The following CTNS variants were observed in gnomAD, a reference collection of about 807,000 sequenced individuals.
CTNS encodes the protein cystinosin.
In CTNS, 27 loss-of-function variants were observed where a neutral mutation model predicts 43.7. The observed-to-expected ratio is 0.62, with a 90% CI of 0.46 to 0.85. The LOEUF is 0.85. Ranked by LOEUF, CTNS falls within the 40% of genes least tolerant of loss-of-function variation. The probability of loss-of-function intolerance (pLI) is 0.00; values close to 1 mark genes in which losing one functional copy is unlikely to be tolerated. For synonymous variants in CTNS, 187 were observed against 190.6 expected (o/e 0.98, Z 0.16); for missense variants, 457 against 475.4 (o/e 0.96, Z 0.36).
chr17:3,643,173 G>A lies in CTNS; in HGVS notation c.61+2906G>A, dbSNP rs573691707. Among the ~76,000 whole-genome samples, 4 of 152,108 alleles carry A rather than the reference G, an allele frequency of 2.6e-5. No individual in the cohort carries two copies. In the East Asian group the frequency reaches 7.8e-4, roughly 30 times the overall value. On this transcript the variant is annotated intron_variant, in intron 3 of 11. Coordinates refer to ENST00000046640, the MANE Select transcript of CTNS (RefSeq NM_004937.3). ...ACCAAAAATACAAAAAATTAGTCGGGCGTGGTGGCGGGCGCCTATAGTCCC... is the reference window on the plus strand; with the variant it reads ...ACCAAAAATACAAAAAATTAGTCGGACGTGGTGGCGGGCGCCTATAGTCCC...
chr17:3,650,826 A>G (rs536973144), intron 5 of CTNS, among the ~76,000 whole-genome samples: 60 of 152,330 alleles, frequency 3.9e-4, no homozygotes, highest in African/African-American at 1.4e-3. Flanking sequence ...GTTTAGAGAC[A>G]GAGCTTCACT....
In CTNS at chr17:3,662,389, T is replaced by C. The variant is rs543577418; in HGVS notation, c.*2020T>C. 4.6e-5 allele frequency among the ~76,000 whole-genome samples: 7 copies of C among 152,224 alleles called. No individual in the cohort carries two copies. The highest frequency in any genetic ancestry group is 1.0e-4 in the Non-Finnish European group (7 of 68,010). On this transcript the variant is annotated 3_prime_UTR_variant, in exon 12 of 12. Coordinates refer to ENST00000046640, the MANE Select transcript of CTNS (RefSeq NM_004937.3). ...AGGTAGGTCCAGGAGTGCTAACACCTTCCCAGAGGTGGTACGCAGGTAGTC... is the reference window on the plus strand; with the variant it reads ...AGGTAGGTCCAGGAGTGCTAACACCCTCCCAGAGGTGGTACGCAGGTAGTC...
In CTNS at chr17:3,658,015, A is replaced by AGC. The variant is rs1555563982; in HGVS notation, c.696_697dup (p.Val233AlafsTer21). On this transcript the variant is annotated frameshift_variant, in exon 10 of 12. Transcript: ENST00000046640. LOFTEE classifies it high-confidence loss of function. The stretch of plus-strand genomic sequence containing the variant: ...TCCTCTCGCCCCCAGCGCGGTGGCC[A>AGC]GCGCGTGTCCTGGCCTGCCATCGGC... 7 of 1,610,058 alleles carry AGC rather than the reference A, an allele frequency of 4.3e-6. No individual in the cohort carries two copies. The highest frequency in any genetic ancestry group is 5.9e-6 in the Non-Finnish European group (7 of 1,179,904).
In CTNS at chr17:3,660,385, T is replaced by C. The variant is rs201198798; in HGVS notation, c.*16T>C. 1.4e-5 allele frequency: 22 copies of C among 1,614,038 alleles called. No individual in the cohort carries two copies. The highest frequency in any genetic ancestry group is 6.7e-5 in the Admixed American group (4 of 60,012). ...GCTGAACTAGCACCCAGGGACCCAG[T>C]GTACCCAGCCTCTGGCCTCGTGCCC... On this transcript the variant is annotated 3_prime_UTR_variant, in exon 12 of 12. Coordinates refer to ENST00000046640, the MANE Select transcript of CTNS (RefSeq NM_004937.3).
chr17:3,655,397 G>T, intron 7 of CTNS, 45 bp downstream of exon 7: 17 of 1,612,244 alleles, frequency 1.1e-5, no homozygotes, highest in Non-Finnish European at 1.4e-5. Flanking sequence ...GGGCCCCTAG[G>T]AGCAGGGCGT....
rs745365232 is a variant in CTNS at position 3,656,542 on chromosome 17, TAC to T, written c.519_520del (p.Tyr173Ter). On this transcript the variant is annotated frameshift_variant, in exon 8 of 12. Transcript: ENST00000046640. LOFTEE classifies it high-confidence loss of function. ...TCTGAACCTGACGGGCTTCGTGGCC[TAC>T]AGTGTATTCAACATCGGCCTCCTCT... ...VALNLTGFVA[Y>X]SVFNIGLLWV... 3.7e-6 allele frequency: 6 copies of T among 1,608,728 alleles called. No individual in the cohort carries two copies. Among genetic ancestry groups the T allele is most frequent in the Non-Finnish European group, 4.2e-6 (5 of 1,178,928 alleles).
At chr17:3,652,516 C>T (rs1241812135) in intron 5 of CTNS, among the ~76,000 whole-genome samples, 3 of 151,950 alleles carry the variant, frequency 2.0e-5, no homozygotes, top group Non-Finnish European at 2.9e-5. Context: ...CACTTGAACC[C>T]GGGAGGCAGA....
intron 5 of CTNS, among the ~76,000 whole-genome samples, chr17:3,652,384 G>GAGCTCAAGACC (rs2076008600): frequency 6.6e-6 from 1 of 152,134 alleles, no homozygotes; most frequent in Non-Finnish European, 1.5e-5. Context: ...CTGAGGTTGG[G>GAGCTCAAGACC]AGCTCAAGAC....
At position 3,660,836 on chromosome 17, in the gene CTNS, A is replaced by T; in HGVS notation, c.*467A>T. 6.4e-7 allele frequency: 1 copy of T among 1,550,616 alleles called. No individual in the cohort carries two copies. The highest frequency in any genetic ancestry group is 1.4e-5 in the African/African-American group (1 of 73,622). On this transcript the variant is annotated 3_prime_UTR_variant, in exon 12 of 12. Coordinates refer to ENST00000046640, the MANE Select transcript of CTNS (RefSeq NM_004937.3). ...CCAGTGAACTCAGAGGTGCTGGTGG[A>T]CGGGCTAGGACTTTGGGGTTAGGCC... is the stretch of plus-strand genomic sequence containing the variant.
At chr17:3,640,470 C>T (rs2075658197) in intron 3 of CTNS, among the ~76,000 whole-genome samples, 1 of 152,258 alleles carries the variant, frequency 6.6e-6, no homozygotes, top group Non-Finnish European at 1.5e-5. Flanking sequence ...GATAGTTCCA[C>T]ATATAATTGG....
intron 5 of CTNS, among the ~76,000 whole-genome samples, chr17:3,649,888 C>G (rs2150908778): frequency 6.6e-6 from 1 of 152,288 alleles, no homozygotes. Flanking sequence ...TTCTGGAGAG[C>G]TATTGTACAA....
chr17:3,659,793 A>G (rs1164528752), intron 10 of CTNS, 65 bp from the exon 11 acceptor site: 5 of 1,163,210 alleles, frequency 4.3e-6, no homozygotes, highest in Non-Finnish European at 5.2e-6. Context: ...GGCAGTCACG[A>G]GGCGCATGAG....
At chr17:3,641,312 C>T (rs2075684520) in intron 3 of CTNS, among the ~76,000 whole-genome samples, 1 of 142,218 alleles carries the variant, frequency 7.0e-6, no homozygotes, top group Non-Finnish European at 1.5e-5. Flanking sequence ...CAGGCCCATT[C>T]ATTTGATCCT....
chr17:3,660,181 G>C (rs1200291549), intron 11 of CTNS, 55 bp from the exon 12 acceptor site: 12 of 1,612,474 alleles, frequency 7.4e-6, no homozygotes, highest in African/African-American at 1.3e-5. Context: ...ACAAGCTCCA[G>C]CTGCCTCAGG....
In CTNS at chr17:3,659,843, G is replaced by A. The variant is rs376050426; in HGVS notation, c.853-15G>A. 4.0e-4 allele frequency: 638 copies of A among 1,601,258 alleles called. 3 individuals carry two copies. Among genetic ancestry groups the A allele is most frequent in the Non-Finnish European group, 4.9e-4 (569 of 1,168,588 alleles). ...CTCACCGCCCTCCGTCTGTCTGTCC[G>A]TCTGTCTGGCCCAGGCCTACATGAA... is the stretch of plus-strand genomic sequence containing the variant. On this transcript the variant is annotated splice_polypyrimidine_tract_variant and intron_variant, in intron 10 of 11. Transcript: ENST00000046640.
chr17:3,659,551 C>T (rs987921437), intron 10 of CTNS, among the ~76,000 whole-genome samples: 5 of 152,258 alleles, frequency 3.3e-5, no homozygotes, highest in Non-Finnish European at 7.3e-5. Flanking sequence ...AGCACAGGGC[C>T]TTGGCCCCAG....
Position 3,663,047 on chromosome 17 carries a change from A to T in CTNS, c.*2678A>T, listed in dbSNP as rs1234378600. The T allele has an allele frequency of 3.9e-5, 6 of 152,270 alleles. No individual in the cohort carries two copies. The highest frequency in any genetic ancestry group is 1.4e-4 in the African/African-American group (6 of 41,470). The allele number at this position is 152,270 out of a possible 1,614,324, so 9.4% of individuals were successfully genotyped here. On this transcript the variant is annotated 3_prime_UTR_variant, in exon 12 of 12. Coordinates refer to ENST00000046640, the MANE Select transcript of CTNS (RefSeq NM_004937.3). ...AGTAGAATGGGCATCTCCAAAGAGTACGATAAAAACATTTTGTATCAAACT... is the reference window on the plus strand; with the variant it reads ...AGTAGAATGGGCATCTCCAAAGAGTTCGATAAAAACATTTTGTATCAAACT...
At position 3,647,525 on chromosome 17, in the gene CTNS, A is replaced by G. The variant is rs778641729; in HGVS notation, c.140+3A>G. On this transcript the variant is annotated splice_donor_region_variant and intron_variant, in intron 4 of 11. Coordinates refer to ENST00000046640, the MANE Select transcript of CTNS (RefSeq NM_004937.3). ...ACCAACGTCAGCCTCACCCTGCGGT[A>G]AGTTCCTGGGCCTGGCGCTGTGCTC... 1.9e-6 allele frequency: 3 copies of G among 1,613,810 alleles called. No individual in the cohort carries two copies. In the East Asian group the frequency reaches 6.7e-5, roughly 36 times the overall value.
chr17:3,659,343 G>A (rs1386776096), intron 10 of CTNS, among the ~76,000 whole-genome samples: 3 of 152,202 alleles, frequency 2.0e-5, no homozygotes, highest in African/African-American at 4.8e-5. Flanking sequence ...TGTGGGGGGC[G>A]TTAACCCCGC....
Sources: allele counts gnomAD v4.1 joint callset (sites outside exome capture counted in the v4.1 genomes callset), GRCh38; gene constraint gnomAD v4.1.1; transcripts MANE v1.5; gene names NCBI Gene and HGNC (gene_info 2026-07-23, HGNC 2026-07-21).